RNFT1: variants seen among roughly 807,000 people sequenced by gnomAD.
RNFT1 encodes ring finger protein, transmembrane 1.
RNFT1 carries 35 observed loss-of-function variants against 53.2 expected under a neutral mutation model. The observed-to-expected ratio is 0.66, with a 90% CI of 0.50 to 0.87. The LOEUF (loss-of-function observed/expected upper bound fraction) is 0.87. RNFT1 is among the 40% of genes least tolerant of loss of function. RNFT1 has a pLI of 0.00. For missense variants in RNFT1, 421 were observed against 515.0 expected (o/e 0.82, Z 1.77); for synonymous variants, 141 against 172.8 (o/e 0.82, Z 1.44).
intron 7 of RNFT1, among the ~76,000 whole-genome samples, chr17:59,955,403 C>G (rs1250424435): frequency 1.3e-5 from 2 of 152,126 alleles, no homozygotes; most frequent in African/African-American, 4.8e-5. Flanking sequence ...TGCCATTTCC[C>G]TGGTAAAGGA....
chr17:59,958,630 G>C (rs1243542130), intron 4 of RNFT1, 186 bp from the exon 5 acceptor site: 1 of 659,114 alleles, frequency 1.5e-6, no homozygotes, highest in Non-Finnish European at 2.8e-6. Flanking sequence ...AAACCTGTTT[G>C]GATTTTAGAT....
chr17:59,956,481 T>C lies in RNFT1; in HGVS notation c.1071+7A>G. ...GGTGTTTTTCTTAACTGATAAAAAGTACTTACTGGTTGTGTAAAAAATATT... is the reference window on the plus strand; with the variant it reads ...GGTGTTTTTCTTAACTGATAAAAAGCACTTACTGGTTGTGTAAAAAATATT... On this transcript the variant is annotated splice_region_variant and intron_variant, in intron 7 of 8. Transcript: ENST00000305783. 6.2e-7 allele frequency: 1 copy of C among 1,605,182 alleles called. No homozygotes were observed. Among genetic ancestry groups the C allele is most frequent in the South Asian group, 1.1e-5 (1 of 89,680 alleles).
intron 8 of RNFT1, among the ~76,000 whole-genome samples, chr17:59,953,423 A>C (rs1436283500): frequency 1.3e-5 from 2 of 151,468 alleles, no homozygotes; most frequent in Non-Finnish European, 2.9e-5. Flanking sequence ...CTGGTCTTGA[A>C]CTCCTGACCT....
chr17:59,963,058 T>C lies in RNFT1; in HGVS notation c.283A>G (p.Ser95Gly), dbSNP rs200661534. 3 of 1,614,098 alleles carry C rather than the reference T, an allele frequency of 1.9e-6. No individual in the cohort carries two copies. The highest frequency in any genetic ancestry group is 1.7e-5 in the Admixed American group (1 of 60,014). ...ACACCTGACCTTATATTTCTGGAGC[T>C]TGCATTTTCTGCACATTCTTTAGGT... ...SIPKECAENA[S>G]SRNIRSGVHS... is the part of the protein sequence containing the mutation. The change falls in exon 2 of 9, where the codon AGC (serine) becomes GGC (glycine). Residue 95 changes from serine to glycine, a missense_variant. Transcript: ENST00000305783.
At chr17:59,960,744 C>A (rs2045285499) in intron 3 of RNFT1, among the ~76,000 whole-genome samples, 2 of 151,848 alleles carry the variant, frequency 1.3e-5, no homozygotes, top group Admixed American at 1.3e-4. Flanking sequence ...ACCCAGGAGG[C>A]AGAGGTTGCA....
rs910862562 is a variant in RNFT1, at chr17:59,963,165, G to T, written c.176C>A (p.Thr59Asn). ...CAATCTTGTGTGGACACACTGAGGGGTTGAGGCATCCTCACTGCTTCCAGT... is the reference window on the plus strand; with the variant it reads ...CAATCTTGTGTGGACACACTGAGGGTTTGAGGCATCCTCACTGCTTCCAGT... The part of the protein sequence containing the change: ...PGTGSSEDAS[T>N]PQCVHTRLTG... The change falls in exon 2 of 9, where the codon ACC becomes AAC. Residue 59 changes from threonine (T) to asparagine (N), a missense_variant. Physicochemically the swap from Thr to Asn is moderately conservative, Grantham distance 65. Transcript: ENST00000305783. The T allele has an allele frequency of 6.2e-7, 1 of 1,614,114 alleles. No homozygotes were observed. Among genetic ancestry groups the T allele is most frequent in the Admixed American group, 1.7e-5 (1 of 60,008 alleles).
chr17:59,958,432 T>TA lies in RNFT1; in HGVS notation c.704dup (p.Leu235PhefsTer46), dbSNP rs776200811. On this transcript the variant is annotated frameshift_variant, in exon 5 of 9. Coordinates refer to ENST00000305783, the MANE Select transcript of RNFT1 (RefSeq NM_016125.4). LOFTEE classifies it high-confidence loss of function. Reference sequence around the variant, plus strand: ...AGCTCAAATGGTCCAAAGTAGGATTTAAAAAAATTAAGCTACCAAAAGAAA... The same window carrying TA: ...AGCTCAAATGGTCCAAAGTAGGATTTAAAAAAAATTAAGCTACCAAAAGAAA... The TA allele has an allele frequency of 4.5e-6, 7 of 1,567,402 alleles. No individual in the cohort carries two copies. The highest frequency in any genetic ancestry group is 8.6e-7 in the Non-Finnish European group (1 of 1,166,270).
chr17:59,956,358 G>A (rs1323270885), intron 7 of RNFT1, 130 bp downstream of exon 7: 2 of 669,110 alleles, frequency 3.0e-6, no homozygotes, highest in Non-Finnish European at 5.3e-6. Flanking sequence ...CAAAGTACTA[G>A]AAAATAATCA....
chr17:59,958,250 T>C, intron 5 of RNFT1, 41 bp downstream of exon 5: 1 of 1,543,752 alleles, frequency 6.5e-7, no homozygotes, highest in South Asian at 1.3e-5. Context: ...TTAATGTGAT[T>C]CGATAACATC....
Position 59,957,229 on chromosome 17 carries a change from A to C in RNFT1, c.1000T>G (p.Leu334Val). 6.2e-7 allele frequency: 1 copy of C among 1,612,092 alleles called. No individual in the cohort carries two copies. The highest frequency in any genetic ancestry group is 8.5e-7 in the Non-Finnish European group (1 of 1,179,334). Reference sequence around the variant, plus strand: ...AGATTTGTAATGTTACCTACTTTTAATATGAGGTAGAGTAAAGCCAGCAGT... The same window carrying C: ...AGATTTGTAATGTTACCTACTTTTACTATGAGGTAGAGTAAAGCCAGCAGT... ...GILLALLYLI[L>V]KLLEFFGHLR... Residue 334 changes from leucine (L) to valine (V), a missense_variant, in exon 6 of 9, where the codon TTA becomes GTA. Leu to Val is a conservative substitution (Grantham distance 32). Transcript: ENST00000305783.
At chr17:59,956,187 T>C (rs1259399628) in intron 7 of RNFT1, among the ~76,000 whole-genome samples, 3 of 152,158 alleles carry the variant, frequency 2.0e-5, no homozygotes, top group African/African-American at 7.2e-5. Context: ...TTCATAAGAT[T>C]GTTAAGGGTT....
intron 8 of RNFT1, 200 bp downstream of exon 8, chr17:59,953,845 C>T: frequency 4.9e-6 from 2 of 406,736 alleles, no homozygotes; most frequent in Non-Finnish European, 8.7e-6. Context: ...TTATTTTTTC[C>T]CCTTCATACG....
chr17:59,962,425 T>G (rs527671735), intron 3 of RNFT1, 115 bp downstream of exon 3: 1 of 660,296 alleles, frequency 1.5e-6, no homozygotes, highest in South Asian at 2.2e-5. Flanking sequence ...GATGTTACAA[T>G]ATATCCTATT....
At chr17:59,960,840 G>C (rs1226260251) in intron 3 of RNFT1, among the ~76,000 whole-genome samples, 1 of 151,854 alleles carries the variant, frequency 6.6e-6, no homozygotes, top group Non-Finnish European at 1.5e-5. Context: ...ACCCACAAAA[G>C]AAAATTTCAA....
intron 3 of RNFT1, among the ~76,000 whole-genome samples, chr17:59,960,835 C>G (rs1214708928): frequency 6.6e-6 from 1 of 151,950 alleles, no homozygotes. Context: ...GACCCACCCA[C>G]AAAAGAAAAT....
intron 3 of RNFT1, 49 bp downstream of exon 3, chr17:59,962,491 T>C (rs2045300813): frequency 1.7e-6 from 2 of 1,206,256 alleles, no homozygotes; most frequent in South Asian, 2.7e-5. Flanking sequence ...TTCTCTAAAA[T>C]CTATGGAGAG....
chr17:59,954,222 AC>A, intron 7 of RNFT1, 76 bp from the exon 8 acceptor site: 1 of 981,830 alleles, frequency 1.0e-6, no homozygotes, highest in Non-Finnish European at 1.5e-6. Context: ...GTAATGCTGT[AC>A]TTCTCAAATC....
At chr17:59,956,447 A>G in intron 7 of RNFT1, 41 bp downstream of exon 7, 1 of 1,425,494 alleles carries the variant, frequency 7.0e-7, no homozygotes, top group Admixed American at 1.9e-5. Flanking sequence ...TGCAGTGAAG[A>G]AAGGTGAAGG....
In RNFT1 at chr17:59,964,687, G is replaced by A; in HGVS notation, c.-24C>T. 6.3e-7 allele frequency: 1 copy of A among 1,590,212 alleles called. No homozygotes were observed. The highest frequency in any genetic ancestry group is 8.6e-7 in the Non-Finnish European group (1 of 1,168,456). On this transcript the variant is annotated 5_prime_UTR_variant, in exon 1 of 9. Transcript: ENST00000305783. ...ATACACCGCCTCCAGCCCTTCAGTC[G>A]GGGCCATCAACCGCAAACCCCGCAA...
Sources: gnomAD v4.1 joint callset for allele counts (sites outside exome capture counted in the v4.1 genomes callset) on GRCh38, gnomAD v4.1.1 for gene constraint, MANE v1.5 for transcripts, NCBI Gene and HGNC (gene_info 2026-07-23, HGNC 2026-07-21) for gene names.